Variants in RGS6 observed in about 807,000 individuals in gnomAD.
RGS6 encodes regulator of G protein signaling 6.
RGS6 carries 30 observed loss-of-function variants against 78.5 expected under a neutral mutation model. The observed-to-expected ratio is 0.38, with a 90% CI of 0.29 to 0.52. The LOEUF (loss-of-function observed/expected upper bound fraction) is 0.52. Among genes scored for constraint, RGS6 ranks in the 20% least tolerant of loss-of-function variants. The probability of loss-of-function intolerance (pLI) is 0.85; values close to 1 mark genes in which losing one functional copy is unlikely to be tolerated. For missense variants in RGS6, 495 were observed against 609.7 expected (o/e 0.81, Z 1.98); for synonymous variants, 206 against 206.0 (o/e 1.00, Z 0.00).
chr14:71,953,229 C>T (rs1465470056), intron 1 of RGS6, among the ~76,000 whole-genome samples: 2 of 152,058 alleles, frequency 1.3e-5, no homozygotes, highest in Admixed American at 6.6e-5. Flanking sequence ...GTCTTAGTGC[C>T]ATCCTCTGAA....
intron 2 of RGS6, among the ~76,000 whole-genome samples, chr14:72,344,746 G>A (rs2077679396): frequency 6.6e-6 from 1 of 152,134 alleles, no homozygotes; most frequent in Admixed American, 6.5e-5. Context: ...AAAGATAGAG[G>A]GTTTAATAAG....
At chr14:72,508,215 T>C (rs2096833224) in intron 13 of RGS6, among the ~76,000 whole-genome samples, 3 of 152,296 alleles carry the variant, frequency 2.0e-5, no homozygotes, top group Non-Finnish European at 2.9e-5. Flanking sequence ...GATCTATTGG[T>C]CATCATCATT....
At chr14:71,912,942 C>T in the RGS6 span, among the ~76,000 whole-genome samples, 1 of 152,086 alleles carries the variant, frequency 6.6e-6, no homozygotes, top group Admixed American at 6.5e-5. Context: ...TCTCCTGCCT[C>T]AGCCTCCCGG....
At chr14:72,560,633 G>A (rs1024601002) in intron 17 of RGS6, among the ~76,000 whole-genome samples, 2 of 152,192 alleles carry the variant, frequency 1.3e-5, no homozygotes, top group African/African-American at 4.8e-5. Context: ...AGACAAAGGA[G>A]TAGTCATTCT....
intron 7 of RGS6, among the ~76,000 whole-genome samples, chr14:72,466,599 C>G (rs991540338): frequency 6.6e-6 from 1 of 152,164 alleles, no homozygotes; most frequent in African/African-American, 2.4e-5. Flanking sequence ...GAATGAGTAC[C>G]AAGAACATTA....
chr14:72,138,449 GTTTTTT>G (rs71448384), intron 2 of RGS6, among the ~76,000 whole-genome samples: 5 of 86,674 alleles, frequency 5.8e-5, no homozygotes, highest in African/African-American at 2.2e-4. Flanking sequence ...ACCTGTACCT[GTTTTTT>G]TTTTTTTTTT....
intron 3 of RGS6, among the ~76,000 whole-genome samples, chr14:72,374,976 A>C (rs2084329937): frequency 1.3e-5 from 2 of 152,228 alleles, no homozygotes; most frequent in Non-Finnish European, 2.9e-5. Context: ...TTAGAGACTT[A>C]ATAGAAACAT....
intron 2 of RGS6, among the ~76,000 whole-genome samples, chr14:71,965,906 AGGC>A (rs2093480329): frequency 1.3e-5 from 2 of 152,208 alleles, no homozygotes; most frequent in African/African-American, 4.8e-5. Flanking sequence ...GAAGGAATAT[AGGC>A]GGCAAGTAGA....
chr14:72,351,359 C>A (rs184986227), intron 2 of RGS6, among the ~76,000 whole-genome samples: 47 of 152,242 alleles, frequency 3.1e-4, no homozygotes, highest in Admixed American at 1.4e-3. Flanking sequence ...GGCACCTACA[C>A]CCTCATCAGT....
chr14:72,165,914 T>C (rs2153670663), intron 2 of RGS6, among the ~76,000 whole-genome samples: 1 of 152,352 alleles, frequency 6.6e-6, no homozygotes, highest in South Asian at 2.1e-4. Context: ...TAAAATTCTG[T>C]CATACATTCT....
chr14:72,107,267 G>T (rs1331386303), intron 2 of RGS6, among the ~76,000 whole-genome samples: 3 of 152,112 alleles, frequency 2.0e-5, no homozygotes, highest in Admixed American at 6.6e-5. Context: ...GAACTACTAG[G>T]TTTAAACGTA....
the RGS6 span, among the ~76,000 whole-genome samples, chr14:72,599,583 T>C: frequency 6.9e-6 from 1 of 144,636 alleles, no homozygotes; most frequent in African/African-American, 2.5e-5. Context: ...TAATTTTTTT[T>C]TTTTTTTTTT....
At chr14:72,285,568 A>T (rs752212291) in intron 2 of RGS6, among the ~76,000 whole-genome samples, 4 of 152,194 alleles carry the variant, frequency 2.6e-5, no homozygotes, top group Non-Finnish European at 4.4e-5. Context: ...CAGCAGCATG[A>T]AAATGGACTA....
chr14:72,281,962 A>G (rs926734246), intron 2 of RGS6, among the ~76,000 whole-genome samples: 2 of 152,218 alleles, frequency 1.3e-5, no homozygotes, highest in Admixed American at 6.5e-5. Context: ...CGAGAGTGAC[A>G]GGCCATTGGT....
At chr14:72,378,320 A>C (rs1169896431) in intron 3 of RGS6, among the ~76,000 whole-genome samples, 1 of 152,160 alleles carries the variant, frequency 6.6e-6, no homozygotes, top group Non-Finnish European at 1.5e-5. Flanking sequence ...AGAACAAACC[A>C]ATCCAAAGTT....
At chr14:72,412,632 C>A (rs1230004967) in intron 3 of RGS6, among the ~76,000 whole-genome samples, 1 of 152,114 alleles carries the variant, frequency 6.6e-6, no homozygotes, top group East Asian at 1.9e-4. Context: ...TTTGCTCTTG[C>A]TTCTCTAGTT....
chr14:72,229,763 A>G (rs557785914), intron 2 of RGS6, among the ~76,000 whole-genome samples: 1 of 152,244 alleles, frequency 6.6e-6, no homozygotes, highest in African/African-American at 2.4e-5. Context: ...GGACTCAAAC[A>G]ATATGATCAA....
chr14:72,500,874 C>T (rs1440367563), intron 13 of RGS6, among the ~76,000 whole-genome samples: 1 of 152,132 alleles, frequency 6.6e-6, no homozygotes, highest in African/African-American at 2.4e-5. Flanking sequence ...TTGAGGTGAC[C>T]AGGGACTTTT....
chr14:71,953,872 G>T (rs1245034507), intron 1 of RGS6, among the ~76,000 whole-genome samples: 1 of 150,084 alleles, frequency 6.7e-6, no homozygotes, highest in East Asian at 2.0e-4. Flanking sequence ...AGGTTTGCTG[G>T]TGATAAATTT....
Sources: gnomAD v4.1 joint callset for allele counts (sites outside exome capture counted in the v4.1 genomes callset) on GRCh38, gnomAD v4.1.1 for gene constraint, MANE v1.5 for transcripts, NCBI Gene and HGNC (gene_info 2026-07-23, HGNC 2026-07-21) for gene names.